PCDH9: variants seen among roughly 807,000 people sequenced by gnomAD.
PCDH9 encodes protocadherin 9, also known as protocadherin-9.
A neutral mutation model predicts 70.6 loss-of-function variants in PCDH9; 24 were observed. That is an observed-to-expected ratio of 0.34 (90% CI 0.25 to 0.48). The LOEUF is 0.48. Ranked by LOEUF, PCDH9 falls within the 20% of genes least tolerant of loss-of-function variation. The pLI, the probability that PCDH9 is intolerant of heterozygous loss-of-function variation, is 0.99. For missense variants in PCDH9, 1,281 were observed against 1,503.6 expected, an observed-to-expected ratio of 0.85 and a Z score of 2.45; for synonymous variants, 562 against 558.5, an observed-to-expected ratio of 1.01 and a Z score of -0.09.
chr13:66,337,144 C>G (rs1956050479), intron 4 of PCDH9, among the ~76,000 whole-genome samples: 1 of 151,764 alleles, frequency 6.6e-6, no homozygotes, highest in Non-Finnish European at 1.5e-5. Flanking sequence ...AATATAATAA[C>G]AGTAAAAGCA....
intron 4 of PCDH9, among the ~76,000 whole-genome samples, chr13:66,581,779 A>C (rs2076895379): frequency 6.6e-6 from 1 of 152,090 alleles, no homozygotes; most frequent in Non-Finnish European, 1.5e-5. Context: ...TTCTTTCTTC[A>C]GTTTCTTTGT....
chr13:66,388,336 C>A (rs923910785), intron 4 of PCDH9, among the ~76,000 whole-genome samples: 4 of 152,046 alleles, frequency 2.6e-5, no homozygotes, highest in Non-Finnish European at 4.4e-5. Context: ...TTTCAGTGAA[C>A]TGATTTTAGT....
intron 4 of PCDH9, among the ~76,000 whole-genome samples, chr13:66,328,183 A>T (rs943326329): frequency 6.6e-6 from 1 of 152,194 alleles, no homozygotes; most frequent in Non-Finnish European, 1.5e-5. Flanking sequence ...CCTCCAAAAT[A>T]ATTTTGAAGC....
intron 4 of PCDH9, among the ~76,000 whole-genome samples, chr13:66,513,892 G>A (rs529764446): frequency 6.6e-6 from 1 of 152,040 alleles, no homozygotes; most frequent in East Asian, 1.9e-4. Flanking sequence ...CAATCAAGTG[G>A]AGATTAAATT....
intron 2 of PCDH9, among the ~76,000 whole-genome samples, chr13:66,910,307 A>T (rs2082439004): frequency 6.6e-6 from 1 of 152,212 alleles, no homozygotes; most frequent in South Asian, 2.1e-4. Flanking sequence ...GTCTTCTGGC[A>T]CAGGCCATTA....
intron 4 of PCDH9, among the ~76,000 whole-genome samples, chr13:66,328,709 C>T (rs1228645405): frequency 2.0e-5 from 3 of 152,100 alleles, no homozygotes; most frequent in African/African-American, 4.8e-5. Context: ...GTGACACGTG[C>T]GACTGACAGC....
intron 3 of PCDH9, among the ~76,000 whole-genome samples, chr13:66,762,688 C>T (rs1594025054): frequency 6.6e-6 from 1 of 151,946 alleles, no homozygotes; most frequent in South Asian, 2.1e-4. Flanking sequence ...GGGAGAATGG[C>T]AATCACTGGA....
intron 3 of PCDH9, among the ~76,000 whole-genome samples, chr13:66,812,057 T>C (rs1168888851): frequency 6.6e-6 from 1 of 152,096 alleles, no homozygotes; most frequent in Non-Finnish European, 1.5e-5. Flanking sequence ...TGTAGTCTTT[T>C]ATACCTCACC....
At chr13:66,671,836 A>C (rs1198431133) in intron 3 of PCDH9, among the ~76,000 whole-genome samples, 1 of 152,230 alleles carries the variant, frequency 6.6e-6, no homozygotes, top group African/African-American at 2.4e-5. Flanking sequence ...GCAGAGCATA[A>C]CAGTTTGGAA....
rs925640250 is a variant in PCDH9, at chr13:66,700,006, C to G, written c.3139-68595G>C. Among the ~76,000 whole-genome samples the G allele has an allele frequency of 2.6e-5, 4 of 151,962 alleles. No individual in the cohort carries two copies. In the East Asian group the frequency reaches 7.7e-4, roughly 29 times the overall value. On this transcript the variant is annotated intron_variant, in intron 3 of 4. Transcript: ENST00000377865. ...CCTATAAAAAATTATACAATATTAT[C>G]TGTAACTGTTCTAAACATATTAATT...
intron 4 of PCDH9, among the ~76,000 whole-genome samples, chr13:66,584,797 G>A (rs1212835540): frequency 1.3e-5 from 2 of 152,112 alleles, no homozygotes; most frequent in East Asian, 3.9e-4. Context: ...AGAGGCTCAC[G>A]ATGGAAATGG....
rs1320118266 is a variant in PCDH9, at chr13:67,225,639, G to T, written c.2802C>A (p.Asp934Glu). ...PPTTFKPNSPDLAKHYKSASP... is the reference protein window; with the variant it reads ...PPTTFKPNSPELAKHYKSASP... ...AAGCAGATTTGTAGTGCTTGGCCAGGTCAGGACTGTTAGGCTTGAATGTTG... is the reference window on the plus strand; with the variant it reads ...AAGCAGATTTGTAGTGCTTGGCCAGTTCAGGACTGTTAGGCTTGAATGTTG... The change falls in exon 2 of 5, where the codon GAC (aspartate) becomes GAA (glutamate). Residue 934 changes from aspartate (D) to glutamate (E), a missense_variant. By Grantham distance (45) the Asp-to-Glu change is conservative. Around this residue, in one of 4 missense-constraint regions of PCDH9, gnomAD observed 207 missense variants for 191.8 expected, o/e 1.08. Coordinates refer to ENST00000377865, the MANE Select transcript of PCDH9 (RefSeq NM_203487.3). 1 of 1,614,108 alleles carries T rather than the reference G, an allele frequency of 6.2e-7. No individual in the cohort carries two copies. The highest frequency in any genetic ancestry group is 2.2e-5 in the East Asian group (1 of 44,868).
intron 3 of PCDH9, among the ~76,000 whole-genome samples, chr13:66,837,749 A>G (rs2081045795): frequency 6.6e-6 from 1 of 152,100 alleles, no homozygotes. Context: ...TTAAAAAACG[A>G]CCTTTCCAGT....
Position 66,465,293 on chromosome 13 carries a change from T to C in PCDH9, c.3341-160265A>G, listed in dbSNP as rs991813143. On this transcript the variant is annotated intron_variant, in intron 4 of 4. Transcript: ENST00000377865. ...AGAGGACTAAAATATTTTTAGCAAG[T>C]CCAGAAATTTACATATAGAAATTTT... 2.1e-4 allele frequency among the ~76,000 whole-genome samples: 32 copies of C among 151,824 alleles called. 1 individual carries two copies. The highest frequency in any genetic ancestry group is 2.4e-5 in the African/African-American group (1 of 41,376).
At chr13:67,177,688 G>A (rs1180381740) in intron 2 of PCDH9, among the ~76,000 whole-genome samples, 1 of 151,986 alleles carries the variant, frequency 6.6e-6, no homozygotes, top group Non-Finnish European at 1.5e-5. Flanking sequence ...ACCTCTTGCA[G>A]GCAAGCGTTC....
chr13:67,058,542 A>G (rs2085468002), intron 2 of PCDH9, among the ~76,000 whole-genome samples: 1 of 152,144 alleles, frequency 6.6e-6, no homozygotes, highest in Non-Finnish European at 1.5e-5. Context: ...CTGTAATTGA[A>G]CTTATAACTA....
chr13:66,487,551 C>T (rs1057164461), intron 4 of PCDH9, among the ~76,000 whole-genome samples: 3 of 152,076 alleles, frequency 2.0e-5, no homozygotes, highest in Non-Finnish European at 4.4e-5. Flanking sequence ...GCCAAACTTA[C>T]TTTGTCAATG....
chr13:67,045,322 G>C (rs2085201603), intron 2 of PCDH9, among the ~76,000 whole-genome samples: 1 of 151,988 alleles, frequency 6.6e-6, no homozygotes. Flanking sequence ...CTATGTCCCA[G>C]CTAACCTAGA....
At chr13:66,871,784 G>A (rs114194845) in intron 3 of PCDH9, among the ~76,000 whole-genome samples, 1,738 of 151,984 alleles carry the variant, frequency 0.011, 32 homozygotes, top group African/African-American at 0.039. Flanking sequence ...CCTATTTCCC[G>A]GCAGGCAGAC....
Sources: allele counts gnomAD v4.1 joint callset (sites outside exome capture counted in the v4.1 genomes callset), GRCh38; gene constraint gnomAD v4.1.1; regional missense constraint gnomAD v4.1.1; transcripts MANE v1.5; gene names NCBI Gene and HGNC (gene_info 2026-07-23, HGNC 2026-07-21).